The following ITSN1 variants were observed in gnomAD, a reference collection of about 807,000 sequenced individuals.
The protein encoded by ITSN1 is intersectin 1.
In ITSN1, 58 loss-of-function variants were observed where a neutral mutation model predicts 239.8. The ratio of observed to expected loss-of-function variants is 0.24; its 90% CI spans 0.20 to 0.30. The LOEUF (loss-of-function observed/expected upper bound fraction) is 0.30, where lower values mean the gene tolerates loss of function less well. Ranked by LOEUF, ITSN1 falls within the 10% of genes least tolerant of loss-of-function variation. ITSN1 has a pLI of 1.00. For missense variants in ITSN1, 1,558 were observed against 2,103.3 expected, an observed-to-expected ratio of 0.74 and a Z score of 5.07; for synonymous variants, 780 against 770.8, an observed-to-expected ratio of 1.01 and a Z score of -0.20.
chr21:33,779,136 G>T (rs2069929966), intron 14 of ITSN1, among the ~76,000 whole-genome samples: 1 of 146,730 alleles, frequency 6.8e-6, no homozygotes. Context: ...GTAAGCCCTT[G>T]GCTTTATTGA....
At chr21:33,708,903 T>C (rs1474543896) in intron 1 of ITSN1, among the ~76,000 whole-genome samples, 1 of 152,246 alleles carries the variant, frequency 6.6e-6, no homozygotes, top group Non-Finnish European at 1.5e-5. Flanking sequence ...CCACTTTGTT[T>C]GTTGAAAGAC....
intron 1 of ITSN1, among the ~76,000 whole-genome samples, chr21:33,700,951 C>CTGTGTGTG (rs72389168): frequency 0.082 from 11,629 of 141,714 alleles, 556 homozygotes; most frequent in East Asian, 0.13. Context: ...TTTCTTTTTT[C>CTGTGTGTG]TGTGTGTGTG....
At chr21:33,703,188 A>G (rs1177707339) in intron 1 of ITSN1, among the ~76,000 whole-genome samples, 1 of 150,538 alleles carries the variant, frequency 6.6e-6, no homozygotes, top group Non-Finnish European at 1.5e-5. Context: ...ATATATGCGT[A>G]TATATATAAA....
intron 16 of ITSN1, among the ~76,000 whole-genome samples, chr21:33,786,984 T>G (rs1034265265): frequency 2.0e-5 from 3 of 152,230 alleles, no homozygotes; most frequent in African/African-American, 7.2e-5. Context: ...GCTCTGTGCT[T>G]CAGTTTCCCC....
At chr21:33,828,193 G>A (rs996330215) in intron 26 of ITSN1, among the ~76,000 whole-genome samples, 11 of 152,242 alleles carry the variant, frequency 7.2e-5, no homozygotes, top group African/African-American at 1.7e-4. Context: ...TGCTGGCTGC[G>A]TATGCCAGGT....
chr21:33,754,521 T>A (rs1467557850), intron 7 of ITSN1, among the ~76,000 whole-genome samples: 1 of 152,214 alleles, frequency 6.6e-6, no homozygotes, highest in East Asian at 1.9e-4. Flanking sequence ...TTAATTCAGA[T>A]GTCGAAGCTT....
chr21:33,719,381 C>A (rs560352217), intron 2 of ITSN1, among the ~76,000 whole-genome samples: 1 of 152,166 alleles, frequency 6.6e-6, no homozygotes, highest in Non-Finnish European at 1.5e-5. Flanking sequence ...GCGGAGGTTG[C>A]AGTGAGCCGA....
At chr21:33,854,692 T>C (rs1469047539) in intron 29 of ITSN1, among the ~76,000 whole-genome samples, 1 of 152,194 alleles carries the variant, frequency 6.6e-6, no homozygotes, top group Non-Finnish European at 1.5e-5. Context: ...GCAGCTGTTT[T>C]AATAAAAGAC....
At chr21:33,657,579 C>T (rs764712323) in intron 1 of ITSN1, among the ~76,000 whole-genome samples, 3 of 152,052 alleles carry the variant, frequency 2.0e-5, no homozygotes, top group African/African-American at 7.2e-5. Flanking sequence ...AACCCTGCAT[C>T]GTGTAATGAT....
intron 4 of ITSN1, among the ~76,000 whole-genome samples, chr21:33,729,993 T>G (rs1185003223): frequency 6.6e-6 from 1 of 152,244 alleles, no homozygotes; most frequent in Non-Finnish European, 1.5e-5. Flanking sequence ...ACAGAGGACA[T>G]ATAAAGTACT....
At chr21:33,656,564 C>T (rs539018947) in intron 1 of ITSN1, among the ~76,000 whole-genome samples, 6 of 152,176 alleles carry the variant, frequency 3.9e-5, no homozygotes, top group African/African-American at 1.4e-4. Flanking sequence ...GACGGAGTCT[C>T]ACTCTGTCAC....
At chr21:33,886,512 C>T (rs757522313) in intron 39 of ITSN1, 52 bp downstream of exon 39, 101 of 1,457,206 alleles carry the variant, frequency 6.9e-5, no homozygotes, top group East Asian at 1.2e-4. Flanking sequence ...CACTCGTTTG[C>T]GTGGGTTAAT....
intron 20 of ITSN1, among the ~76,000 whole-genome samples, chr21:33,806,508 A>G (rs1276200968): frequency 6.6e-6 from 1 of 152,270 alleles, no homozygotes; most frequent in Non-Finnish European, 1.5e-5. Context: ...TTGAGAAAAG[A>G]GGTGTAATAT....
At chr21:33,752,222 G>A (rs375144063) in intron 7 of ITSN1, among the ~76,000 whole-genome samples, 2 of 151,446 alleles carry the variant, frequency 1.3e-5, no homozygotes, top group African/African-American at 4.8e-5. Flanking sequence ...TGGGTATAAG[G>A]GAAAAAAGCA....
chr21:33,848,035 C>T (rs1449448951), intron 29 of ITSN1, among the ~76,000 whole-genome samples: 2 of 152,220 alleles, frequency 1.3e-5, no homozygotes, highest in Admixed American at 1.3e-4. Context: ...CAGCCCCGTC[C>T]ATGCCACACA....
chr21:33,718,913 T>C lies in ITSN1; in HGVS notation c.28+57T>C, dbSNP rs911146321. ...ACTTTGGGACCAGATTTTAAAAACT[T>C]GATATTATGGCAAATTTAAAATTAA... On this transcript the variant is annotated intron_variant, in intron 2 of 39. Transcript: ENST00000381318. 27 of 1,336,022 alleles carry C rather than the reference T, an allele frequency of 2.0e-5. No homozygotes were observed. In the Admixed American group the frequency reaches 4.8e-4, roughly 24 times the overall value. 82.8% of individuals were successfully genotyped at this position (1,336,022 alleles called of 1,614,324 possible).
chr21:33,719,957 A>G (rs558938761), intron 2 of ITSN1, among the ~76,000 whole-genome samples: 33 of 152,362 alleles, frequency 2.2e-4, no homozygotes, highest in African/African-American at 7.2e-4. Flanking sequence ...GAAGCTGTCT[A>G]ATCTTGTCAT....
intron 39 of ITSN1, among the ~76,000 whole-genome samples, chr21:33,887,002 C>G (rs1456262871): frequency 6.6e-6 from 1 of 152,116 alleles, no homozygotes; most frequent in East Asian, 1.9e-4. Context: ...TTCCAAGAAA[C>G]TACCTGTCTC....
intron 33 of ITSN1, among the ~76,000 whole-genome samples, chr21:33,869,166 A>G (rs1309627645): frequency 1.3e-5 from 2 of 152,204 alleles, no homozygotes. Context: ...CCATTCTCAC[A>G]CTGTTGTAAA....
Sources: allele counts gnomAD v4.1 joint callset (sites outside exome capture counted in the v4.1 genomes callset), GRCh38; gene constraint gnomAD v4.1.1; transcripts MANE v1.5; gene names NCBI Gene and HGNC (gene_info 2026-07-23, HGNC 2026-07-21).